PCBD2: variants seen among roughly 807,000 people sequenced by gnomAD.
PCBD2 encodes pterin-4 alpha-carbinolamine dehydratase 2.
Under a neutral mutation model 16.4 loss-of-function variants are expected in PCBD2, and 12 were observed. The observed-to-expected ratio is 0.73, with a 90% CI of 0.47 to 1.19. The LOEUF (loss-of-function observed/expected upper bound fraction) is 1.19. PCBD2 is among the 50% of genes most tolerant of loss of function. The probability of loss-of-function intolerance (pLI) is 0.00; values close to 1 mark genes in which losing one functional copy is unlikely to be tolerated. For synonymous variants in PCBD2, 58 were observed against 61.8 expected, an observed-to-expected ratio of 0.94 and a Z score of 0.29; for missense variants, 138 against 156.8, an observed-to-expected ratio of 0.88 and a Z score of 0.64.
chr5:134,933,442 C>T (rs763085083), intron 2 of PCBD2, among the ~76,000 whole-genome samples: 21 of 152,034 alleles, frequency 1.4e-4, no homozygotes, highest in Non-Finnish European at 2.4e-4. Context: ...TGCCATATTG[C>T]GCAGGCTGGT....
At chr5:134,941,965 C>CA (rs758717376) in intron 2 of PCBD2, among the ~76,000 whole-genome samples, 125 of 134,444 alleles carry the variant, frequency 9.3e-4, no homozygotes, top group Middle Eastern at 3.7e-3. Context: ...AAAAAAGTAC[C>CA]AAAAAAAAAA....
chr5:134,937,667 G>T (rs1388803914), intron 2 of PCBD2, among the ~76,000 whole-genome samples: 1 of 152,192 alleles, frequency 6.6e-6, no homozygotes, highest in African/African-American at 2.4e-5. Context: ...TTTCACATGT[G>T]CTCCGTTCAC....
intron 2 of PCBD2, among the ~76,000 whole-genome samples, chr5:134,922,956 G>A (rs557078471): frequency 6.6e-5 from 10 of 152,164 alleles, no homozygotes; most frequent in African/African-American, 2.2e-4. Context: ...GATTACAGGC[G>A]TGAGCCACCT....
intron 2 of PCBD2, among the ~76,000 whole-genome samples, chr5:134,936,402 C>T (rs140809201): frequency 2.4e-4 from 37 of 152,322 alleles, no homozygotes; most frequent in Admixed American, 5.2e-4. Flanking sequence ...TCGCACTGGA[C>T]GCTCCTTGAG....
chr5:134,934,758 A>G (rs1751139455), intron 2 of PCBD2, among the ~76,000 whole-genome samples: 1 of 152,072 alleles, frequency 6.6e-6, no homozygotes, highest in South Asian at 2.1e-4. Flanking sequence ...TCTGATAGTG[A>G]GGTCATTTTC....
rs1231199787 is a variant in PCBD2 at position 134,936,574 on chromosome 5, C to T, written c.217-22466C>T. Among the ~76,000 whole-genome samples, 4 of 152,194 alleles carry T rather than the reference C, an allele frequency of 2.6e-5. 1 individual carries two copies. The highest frequency in any genetic ancestry group is 4.8e-5 in the African/African-American group (2 of 41,440). ...TCAGATCCTGTGTGGAAAGCAGAAA[C>T]GTAAGAAACTGATAACTTGTTTTGC... On this transcript the variant is annotated intron_variant, in intron 2 of 3. Coordinates refer to ENST00000254908, the MANE Select transcript of PCBD2 (RefSeq NM_032151.5).
intron 2 of PCBD2, among the ~76,000 whole-genome samples, chr5:134,938,012 T>G (rs1378906938): frequency 6.6e-6 from 1 of 152,242 alleles, no homozygotes; most frequent in Non-Finnish European, 1.5e-5. Flanking sequence ...GCTTGAAGAC[T>G]TTGGGAATTT....
intron 2 of PCBD2, among the ~76,000 whole-genome samples, chr5:134,938,385 CTT>C (rs1038181539): frequency 3.9e-5 from 6 of 152,188 alleles, no homozygotes; most frequent in African/African-American, 1.4e-4. Context: ...CTGAAGGAAC[CTT>C]TTCTCTGAAT....
chr5:134,954,418 T>G (rs183007578), intron 2 of PCBD2, among the ~76,000 whole-genome samples: 2 of 152,360 alleles, frequency 1.3e-5, no homozygotes, highest in African/African-American at 4.8e-5. Context: ...ATTCTGTAAC[T>G]GTAATTCCCA....
At chr5:134,940,431 AT>A (rs1751212159) in intron 2 of PCBD2, among the ~76,000 whole-genome samples, 1 of 149,042 alleles carries the variant, frequency 6.7e-6, no homozygotes, top group Non-Finnish European at 1.5e-5. Flanking sequence ...TGCAGCATAT[AT>A]ATTTTTTTTT....
At chr5:134,926,726 C>G (rs905142303) in intron 2 of PCBD2, 1 of 397,306 alleles carries the variant, frequency 2.5e-6, no homozygotes, top group East Asian at 3.6e-5. Context: ...GGTGTATGAA[C>G]ATGAGAGTGT....
chr5:134,934,273 TA>T (rs974021923), intron 2 of PCBD2, among the ~76,000 whole-genome samples: 3,503 of 149,900 alleles, frequency 0.023, 107 homozygotes, highest in African/African-American at 0.073. Flanking sequence ...ATAATGATTT[TA>T]AAAAAAAAAA....
rs80277203 is a variant in PCBD2 at position 134,908,231 on chromosome 5, G to GT, written c.85-2087dup. 5.1e-3 allele frequency among the ~76,000 whole-genome samples: 583 copies of GT among 115,312 alleles called. 2 individuals are homozygous for GT. Among genetic ancestry groups the GT allele is most frequent in the Middle Eastern group, 0.026 (4 of 156 alleles). 75.6% of individuals were successfully genotyped at this position (115,312 alleles called of 152,430 possible). A position where few individuals can be genotyped will look rare whatever the true frequency, so the allele number is the denominator to read the frequency against. On this transcript the variant is annotated intron_variant, in intron 1 of 3. Coordinates refer to ENST00000254908, the MANE Select transcript of PCBD2 (RefSeq NM_032151.5). ...GCCACTGTGCCCAGCCCTAGTAAAT[G>GT]TTTTTTTTTTTTTTTTTGAGACAGA... is the stretch of plus-strand genomic sequence containing the variant.
intron 2 of PCBD2, among the ~76,000 whole-genome samples, chr5:134,934,275 A>T (rs188935497): frequency 9.7e-5 from 14 of 144,856 alleles, no homozygotes; most frequent in African/African-American, 3.7e-4. Flanking sequence ...AATGATTTTA[A>T]AAAAAAAAAT....
chr5:134,952,124 A>G (rs1216483209), intron 2 of PCBD2, among the ~76,000 whole-genome samples: 1 of 142,032 alleles, frequency 7.0e-6, no homozygotes, highest in Non-Finnish European at 1.5e-5. Context: ...ATATTTTCTA[A>G]TTGGTTATTG....
chr5:134,924,529 G>A (rs1750959164), intron 2 of PCBD2: 3 of 397,652 alleles, frequency 7.5e-6, no homozygotes, highest in Non-Finnish European at 1.3e-5. Context: ...GGGCTGATTC[G>A]GGAGGATCCT....
intron 2 of PCBD2, among the ~76,000 whole-genome samples, chr5:134,920,347 T>A (rs1177650025): frequency 6.6e-6 from 1 of 152,230 alleles, no homozygotes; most frequent in Non-Finnish European, 1.5e-5. Flanking sequence ...ACAGCAACAT[T>A]TTTAGATCCT....
rs76995902 is a variant in PCBD2, at chr5:134,927,711, G to A, written c.216+17245G>A. ...TATGATTAGTTCTATGGCTGTGAAT[G>A]TCATAATTAAGGAGATTTGTAGGGA... On this transcript the variant is annotated intron_variant, in intron 2 of 3. Transcript: ENST00000254908. The A allele has an allele frequency of 4.1e-3, 1,638 of 398,250 alleles. 20 individuals are homozygous for A. Among genetic ancestry groups the A allele is most frequent in the East Asian group, 0.026 (717 of 28,066 alleles). The allele number at this position is 398,250 out of a possible 1,614,324, so 24.7% of individuals were successfully genotyped here. A position where few individuals can be genotyped will look rare whatever the true frequency, so the allele number is the denominator to read the frequency against.
At chr5:134,928,200 T>G (rs1367792956) in intron 2 of PCBD2, 13 of 389,172 alleles carry the variant, frequency 3.3e-5, no homozygotes, top group Non-Finnish European at 5.5e-5. Context: ...AGAGTGGCTA[T>G]AATGAATAGT....
Sources: gnomAD v4.1 joint callset for allele counts (sites outside exome capture counted in the v4.1 genomes callset) on GRCh38, gnomAD v4.1.1 for gene constraint, MANE v1.5 for transcripts, NCBI Gene and HGNC (gene_info 2026-07-23, HGNC 2026-07-21) for gene names.